TSSK4: variants seen among roughly 807,000 people sequenced by gnomAD.
TSSK4 encodes testis specific serine kinase 4, also known as testis-specific serine/threonine-protein kinase 4.
Under a neutral mutation model 28.5 loss-of-function variants are expected in TSSK4, and 22 were observed. That is an observed-to-expected ratio of 0.77 (90% CI 0.55 to 1.10). The LOEUF (loss-of-function observed/expected upper bound fraction) is 1.10. TSSK4 is among the 50% of genes least tolerant of loss of function. TSSK4 has a pLI of 0.00. For synonymous variants in TSSK4, 151 were observed against 158.3 expected (o/e 0.95, Z 0.35); for missense variants, 329 against 415.4 (o/e 0.79, Z 1.81).
At chr14:24,207,821 T>TC in intron 3 of TSSK4, 143 bp from the exon 4 acceptor site, 1 of 1,511,372 alleles carries the variant, frequency 6.6e-7, no homozygotes, top group East Asian at 2.4e-5. Flanking sequence ...TGCCTGGGTC[T>TC]CCAAGATAAA....
At chr14:24,206,931 T>A (rs757594742) in intron 2 of TSSK4, 185 bp from the exon 3 acceptor site, 1 of 993,076 alleles carries the variant, frequency 1.0e-6, no homozygotes, top group Non-Finnish European at 1.5e-6. Context: ...GAGCTCCCGG[T>A]GGTCCTCAGA....
intron 1 of TSSK4, 53 bp from the exon 2 acceptor site, chr14:24,206,455 GT>G: frequency 6.3e-7 from 1 of 1,580,092 alleles, no homozygotes; most frequent in African/African-American, 1.3e-5. Flanking sequence ...ACGGCTGGGA[GT>G]GCAGTCAGGG....
chr14:24,207,789 C>T lies in TSSK4; in HGVS notation c.835-175C>T, dbSNP rs966424034. 3.1e-6 allele frequency: 4 copies of T among 1,279,426 alleles called. No individual in the cohort carries two copies. In the South Asian group the frequency reaches 5.1e-5, roughly 16 times the overall value. The allele number at this position is 1,279,426 out of a possible 1,614,324, so 79.3% of individuals were successfully genotyped here. On this transcript the variant is annotated intron_variant, in intron 3 of 3. Transcript: ENST00000339917. ...AAGCATTCCTCCCAAGGAACTCTTCCCTTCCCCTCCAGGGAGTTAACTGCC... is the reference window on the plus strand; with the variant it reads ...AAGCATTCCTCCCAAGGAACTCTTCTCTTCCCCTCCAGGGAGTTAACTGCC...
In TSSK4 at chr14:24,208,031, C is replaced by T. The variant is rs551364396; in HGVS notation, c.902C>T (p.Ser301Phe). ...RATILDIIKD[S>F]WVLKFQPEQP... ...ACCATTCTGGACATCATCAAGGATT[C>T]CTGGGTGCTCAAGTTCCAGCCTGAG... is the stretch of plus-strand genomic sequence containing the variant. Residue 301 changes from serine (S) to phenylalanine (F), a missense_variant, in exon 4 of 4, where the codon TCC becomes TTC. Physicochemically the swap from Ser to Phe is radical, Grantham distance 155. This residue lies in a region of TSSK4 where 139 missense variants were observed against 178.1 expected (regional missense o/e 0.78). Transcript: ENST00000339917. 132 of 1,614,198 alleles carry T rather than the reference C, an allele frequency of 8.2e-5. 1 individual carries two copies. In the South Asian group the frequency reaches 1.3e-3, roughly 16 times the overall value.
chr14:24,207,505 G>A lies in TSSK4; in HGVS notation c.830G>A (p.Cys277Tyr). The A allele has an allele frequency of 6.2e-7, 1 of 1,605,332 alleles. No homozygotes were observed. Among genetic ancestry groups the A allele is most frequent in the Non-Finnish European group, 8.5e-7 (1 of 1,175,602 alleles). The change falls in exon 3 of 4, where the codon TGC (cysteine) becomes TAC (tyrosine). Residue 277 changes from cysteine to tyrosine, a missense_variant. By Grantham distance (194) the Cys-to-Tyr change is radical (BLOSUM62 -2). This residue lies in a region of TSSK4 where 139 missense variants were observed against 178.1 expected (regional missense o/e 0.78). Transcript: ENST00000339917. ...FPANHTISQE[C>Y]KNLILQMLRQ... ...GCTAACCATACCATCTCCCAGGAGT[G>A]CAAGGTACTGGCTACCTAAGGAGGG... is the stretch of plus-strand genomic sequence containing the variant.
rs2039538597 is a variant in TSSK4 at position 24,207,364 on chromosome 14, CT to C, written c.690del (p.Asp231ThrfsTer12). The C allele has an allele frequency of 6.2e-7, 1 of 1,614,076 alleles. No individual in the cohort carries two copies. Among genetic ancestry groups the C allele is most frequent in the African/African-American group, 1.3e-5 (1 of 74,932 alleles). On this transcript the variant is annotated frameshift_variant, in exon 3 of 4. Coordinates refer to ENST00000339917, the MANE Select transcript of TSSK4 (RefSeq NM_001184739.2). LOFTEE classifies it high-confidence loss of function. ...LRGLPYNPFL[S>X]DTWSMGVILY... is the part of the protein sequence containing the mutation. The stretch of plus-strand genomic sequence containing the variant: ...GGCTTGCCCTACAACCCTTTCCTGT[CT>C]GACACCTGGAGCATGGGCGTCATCC...
intron 3 of TSSK4, 93 bp from the exon 4 acceptor site, chr14:24,207,871 G>C: frequency 6.3e-7 from 1 of 1,599,834 alleles, no homozygotes; most frequent in Non-Finnish European, 8.5e-7. Context: ...GGTATGATGG[G>C]CTATCCTGCT....
At position 24,206,216 on chromosome 14, in the gene TSSK4, G is replaced by A; in HGVS notation, c.225+68G>A. The A allele has an allele frequency of 2.0e-6, 3 of 1,477,814 alleles. No individual in the cohort carries two copies. In the South Asian group the frequency reaches 3.4e-5, roughly 17 times the overall value. 91.5% of individuals were successfully genotyped at this position (1,477,814 alleles called of 1,614,324 possible). On this transcript the variant is annotated intron_variant, in intron 1 of 3. Coordinates refer to ENST00000339917, the MANE Select transcript of TSSK4 (RefSeq NM_001184739.2). ...AGCTGCTTGAGGTTTCTCAGAAGGG[G>A]TATGGCCAGGAGGGGTGGGGCCAGA...
Position 24,205,897 on chromosome 14 carries a change from C to T in TSSK4, c.-27C>T. Reference sequence around the variant, plus strand: ...GATAGGAGGCTTCCAAGTAGTAAAGCTCCCTGCTCTCAGCAAGCCCAACAC... The same window carrying T: ...GATAGGAGGCTTCCAAGTAGTAAAGTTCCCTGCTCTCAGCAAGCCCAACAC... On this transcript the variant is annotated 5_prime_UTR_variant, in exon 1 of 4. Transcript: ENST00000339917. 2 of 1,595,324 alleles carry T rather than the reference C, an allele frequency of 1.3e-6. No homozygotes were observed. The highest frequency in any genetic ancestry group is 1.7e-6 in the Non-Finnish European group (2 of 1,164,222).
At chr14:24,206,949 C>A in intron 2 of TSSK4, 167 bp from the exon 3 acceptor site, 2 of 1,048,654 alleles carry the variant, frequency 1.9e-6, no homozygotes, top group Non-Finnish European at 1.4e-6. Context: ...AGATACCATC[C>A]TCTGTCTCTC....
At chr14:24,207,580 T>G (rs2039543705) in intron 3 of TSSK4, 71 bp downstream of exon 3, 1 of 1,516,106 alleles carries the variant, frequency 6.6e-7, no homozygotes, top group South Asian at 1.3e-5. Context: ...CCAACCTAGG[T>G]CACCCAACCT....
Position 24,207,362 on chromosome 14 carries a change from G to A in TSSK4, c.687G>A (p.Leu229=). Residue 229 remains leucine, a synonymous_variant, in exon 3 of 4, where the codon CTG becomes CTA. Coordinates refer to ENST00000339917, the MANE Select transcript of TSSK4 (RefSeq NM_001184739.2). ...ILRGLPYNPF[L]SDTWSMGVIL... ...GAGGCTTGCCCTACAACCCTTTCCTGTCTGACACCTGGAGCATGGGCGTCA... is the reference window on the plus strand; with the variant it reads ...GAGGCTTGCCCTACAACCCTTTCCTATCTGACACCTGGAGCATGGGCGTCA... 1 of 1,614,086 alleles carries A rather than the reference G, an allele frequency of 6.2e-7. No homozygotes were observed. Among genetic ancestry groups the A allele is most frequent in the Non-Finnish European group, 8.5e-7 (1 of 1,180,040 alleles).
In TSSK4 at chr14:24,207,545, A is replaced by T. The variant is rs377662000; in HGVS notation, c.834+36A>T. 2.8e-5 allele frequency: 43 copies of T among 1,558,398 alleles called. No individual in the cohort carries two copies. The African/African-American group carries it at 4.9e-4, about 18-fold the overall frequency. Reference sequence around the variant, plus strand: ...CCTAAGGAGGGCTGAGCCTTCAGGGATGACCCACAGGGAGGGGTGAATATC... The same window carrying T: ...CCTAAGGAGGGCTGAGCCTTCAGGGTTGACCCACAGGGAGGGGTGAATATC... On this transcript the variant is annotated intron_variant, in intron 3 of 3. Coordinates refer to ENST00000339917, the MANE Select transcript of TSSK4 (RefSeq NM_001184739.2).
chr14:24,207,290 C>G lies in TSSK4; in HGVS notation c.615C>G (p.Ser205Arg). 1 of 1,614,134 alleles carries G rather than the reference C, an allele frequency of 6.2e-7. No homozygotes were observed. The highest frequency in any genetic ancestry group is 1.3e-5 in the African/African-American group (1 of 75,046). Reference protein sequence around the residue: ...YRQVNCFSHLSQTYCGSFAYA... With the variant: ...YRQVNCFSHLRQTYCGSFAYA... ...AAGTGAACTGCTTTTCCCACCTCAG[C>G]CAGACTTACTGTGGCAGCTTTGCTT... The change falls in exon 3 of 4, where the codon AGC becomes AGG. Residue 205 changes from serine (S) to arginine (R), a missense_variant. By Grantham distance (110) the Ser-to-Arg change is moderately radical. Coordinates refer to ENST00000339917, the MANE Select transcript of TSSK4 (RefSeq NM_001184739.2).
At chr14:24,207,018 C>G (rs1397293874) in intron 2 of TSSK4, 98 bp from the exon 3 acceptor site, 2 of 1,512,158 alleles carry the variant, frequency 1.3e-6, no homozygotes, top group South Asian at 2.3e-5. Context: ...ACCTTGTGCC[C>G]TCATAATGGT....
At position 24,206,565 on chromosome 14, in the gene TSSK4, C is replaced by T. The variant is rs764921434; in HGVS notation, c.282C>T (p.Ser94=). ...TCAACTTCTATCGGGCCATTGAGAG[C>T]ACATCTCGAGTATACATCATTCTGG... ...YLINFYRAIE[S]TSRVYIILEL... is the part of the protein sequence containing the mutation. The change falls in exon 2 of 4, where the codon AGC becomes AGT. Residue 94 remains serine (S), a synonymous_variant. Coordinates refer to ENST00000339917, the MANE Select transcript of TSSK4 (RefSeq NM_001184739.2). 2.0e-5 allele frequency: 33 copies of T among 1,614,072 alleles called. 1 individual carries two copies. In the South Asian group the frequency reaches 3.2e-4, roughly 16 times the overall value.
At position 24,205,712 on chromosome 14, in the gene TSSK4, G is replaced by C; in HGVS notation, c.-212G>C. 1 of 578,438 alleles carries C rather than the reference G, an allele frequency of 1.7e-6. No individual in the cohort carries two copies. Among genetic ancestry groups the C allele is most frequent in the Non-Finnish European group, 3.1e-6 (1 of 322,784 alleles). The allele number at this position is 578,438 out of a possible 1,614,324, so 35.8% of individuals were successfully genotyped here. ...CAAAAGGAGAAAGTAACAACAGCCAGTGGAGACAAAAAGAACTGCTTCTCT... is the reference window on the plus strand; with the variant it reads ...CAAAAGGAGAAAGTAACAACAGCCACTGGAGACAAAAAGAACTGCTTCTCT... On this transcript the variant is annotated 5_prime_UTR_variant, in exon 1 of 4. Transcript: ENST00000339917.
chr14:24,206,704 A>G lies in TSSK4; in HGVS notation c.421A>G (p.Ser141Gly). ...GACCCTGGGCATTGCCTACCTGCAC[A>G]GCAAGAGCATCGTGCACCGGTGAGG... ...QLTLGIAYLH[S>G]KSIVHRLMPS... Residue 141 changes from serine to glycine, a missense_variant, in exon 2 of 4, where the codon AGC (serine) becomes GGC (glycine). Ser to Gly is a moderately conservative substitution (Grantham distance 56). Coordinates refer to ENST00000339917, the MANE Select transcript of TSSK4 (RefSeq NM_001184739.2). 6.2e-7 allele frequency: 1 copy of G among 1,613,886 alleles called. No individual in the cohort carries two copies. Among genetic ancestry groups the G allele is most frequent in the Non-Finnish European group, 8.5e-7 (1 of 1,180,040 alleles).
In TSSK4 at chr14:24,206,153, G is replaced by A. The variant is rs1460587573; in HGVS notation, c.225+5G>A. The A allele has an allele frequency of 6.2e-7, 1 of 1,613,714 alleles. No individual in the cohort carries two copies. The highest frequency in any genetic ancestry group is 1.3e-5 in the African/African-American group (1 of 74,902). On this transcript the variant is annotated splice_donor_5th_base_variant and intron_variant, in intron 1 of 3. Coordinates refer to ENST00000339917, the MANE Select transcript of TSSK4 (RefSeq NM_001184739.2). ...TTCCTGCCCCGTGAAATACAGGTTG[G>A]AAAGGGGGCTGGAAGAGGGAACTGG...
Sources: gnomAD v4.1 joint callset for allele counts on GRCh38, gnomAD v4.1.1 for gene constraint, gnomAD v4.1.1 regional missense constraint, MANE v1.5 for transcripts, NCBI Gene and HGNC (gene_info 2026-07-23, HGNC 2026-07-21) for gene names.